Variants in RAD54B observed in about 807,000 individuals in gnomAD.
RAD54B encodes RAD54 homolog B, also known as DNA repair and recombination protein RAD54B.
In RAD54B, 78 loss-of-function variants were observed where a neutral mutation model predicts 95.8. That is an observed-to-expected ratio of 0.81 (90% CI 0.68 to 0.98). The LOEUF is 0.98. RAD54B is among the 50% of genes least tolerant of loss of function. RAD54B has a pLI of 0.00. For missense variants in RAD54B, 957 were observed against 1,056.6 expected (o/e 0.91, Z 1.31); for synonymous variants, 328 against 354.9 (o/e 0.92, Z 0.85).
chr8:94,430,980 C>A, intron 3 of RAD54B: 1 of 985,326 alleles, frequency 1.0e-6, no homozygotes, highest in Non-Finnish European at 1.2e-6. Context: ...TTTCCAGCGT[C>A]TCACTCTTGA....
At chr8:94,382,692 G>A (rs78987240) in intron 11 of RAD54B, among the ~76,000 whole-genome samples, 2,149 of 152,264 alleles carry the variant, frequency 0.014, 50 homozygotes, top group African/African-American at 0.049. Context: ...GAGGGACCAG[G>A]TGGGAGGTGA....
At chr8:94,449,246 A>G (rs116942037) in intron 3 of RAD54B, among the ~76,000 whole-genome samples, 71 of 150,526 alleles carry the variant, frequency 4.7e-4, no homozygotes, top group Non-Finnish European at 8.4e-4. Context: ...TTAATTAACT[A>G]CTGCCCAATA....
At chr8:94,384,980 G>A (rs1810835361) in intron 11 of RAD54B, among the ~76,000 whole-genome samples, 1 of 152,104 alleles carries the variant, frequency 6.6e-6, no homozygotes, top group Non-Finnish European at 1.5e-5. Context: ...GCACATTCCT[G>A]TAATCCCAGC....
chr8:94,418,956 T>C (rs1811736448), intron 3 of RAD54B, among the ~76,000 whole-genome samples: 1 of 152,324 alleles, frequency 6.6e-6, no homozygotes, highest in Admixed American at 6.5e-5. Context: ...GCAATTTGAA[T>C]TTGATTAGTG....
intron 3 of RAD54B, among the ~76,000 whole-genome samples, chr8:94,450,229 A>G (rs1268598527): frequency 6.6e-6 from 1 of 152,234 alleles, no homozygotes; most frequent in African/African-American, 2.4e-5. Context: ...AAGAGCCACT[A>G]GAAAAGAAAA....
At chr8:94,411,338 C>G (rs117381351) in intron 3 of RAD54B, 23 bp from the exon 4 acceptor site, 1 of 1,528,030 alleles carries the variant, frequency 6.5e-7, no homozygotes, top group Non-Finnish European at 8.7e-7. Flanking sequence ...AAAAAACACA[C>G]ATTATTAAAA....
intron 1 of RAD54B, among the ~76,000 whole-genome samples, chr8:94,470,427 G>A (rs769694246): frequency 2.0e-5 from 3 of 152,134 alleles, no homozygotes; most frequent in Non-Finnish European, 2.9e-5. Context: ...GAAACCCTGT[G>A]TCTATTAAAA....
chr8:94,472,995 A>G (rs1377953532), intron 1 of RAD54B, among the ~76,000 whole-genome samples: 6 of 152,094 alleles, frequency 3.9e-5, no homozygotes, highest in African/African-American at 1.2e-4. Context: ...TAGAATCCCA[A>G]CTCTGCTACT....
chr8:94,407,764 C>A (rs752998628), intron 4 of RAD54B, 44 bp from the exon 5 acceptor site: 10 of 1,522,942 alleles, frequency 6.6e-6, no homozygotes, highest in Non-Finnish European at 9.0e-6. Flanking sequence ...CTCTATGATA[C>A]CACGGTCACC....
At chr8:94,460,744 A>T (rs1812881818) in intron 2 of RAD54B, among the ~76,000 whole-genome samples, 1 of 151,914 alleles carries the variant, frequency 6.6e-6, no homozygotes, top group Admixed American at 6.6e-5. Context: ...ATGCTCCAGG[A>T]GAGAATATAT....
chr8:94,460,622 G>A (rs1283387500), intron 2 of RAD54B, among the ~76,000 whole-genome samples: 1 of 152,124 alleles, frequency 6.6e-6, no homozygotes, highest in Non-Finnish European at 1.5e-5. Flanking sequence ...CAGAAATTTG[G>A]TGGCATTGAA....
chr8:94,429,518 T>C (rs1812031970), intron 3 of RAD54B: 4 of 984,742 alleles, frequency 4.1e-6, no homozygotes, highest in Non-Finnish European at 3.6e-6. Context: ...TTATCAATTC[T>C]TAGTAGCATG....
intron 3 of RAD54B, among the ~76,000 whole-genome samples, chr8:94,414,628 T>C (rs1464233723): frequency 6.6e-6 from 1 of 152,220 alleles, no homozygotes; most frequent in African/African-American, 2.4e-5. Flanking sequence ...CTGGATTATA[T>C]TTATTGATTT....
Position 94,467,441 on chromosome 8 carries a change from C to A in RAD54B, c.99G>T (p.Glu33Asp). Residue 33 changes from glutamate to aspartate, a missense_variant, in exon 2 of 15, where the codon GAG becomes GAT. Transcript: ENST00000336148. ...TTATATCTGGATTCAGTTTTGTAAT[C>A]TCTTCATTCAGACCTGGATTACTTC... Reference protein sequence around the residue: ...PGRSNPGLNEEITKLNPDIKL... With the variant: ...PGRSNPGLNEDITKLNPDIKL... The A allele has an allele frequency of 6.2e-7, 1 of 1,612,808 alleles. No homozygotes were observed. Among genetic ancestry groups the A allele is most frequent in the South Asian group, 1.1e-5 (1 of 90,904 alleles).
At chr8:94,436,951 A>G in intron 3 of RAD54B, 5 of 1,450,762 alleles carry the variant, frequency 3.4e-6, no homozygotes, top group Non-Finnish European at 4.5e-6. Flanking sequence ...AAACAGAAAA[A>G]GATCAGGCTT....
chr8:94,463,674 T>TA (rs1276657095), intron 2 of RAD54B, among the ~76,000 whole-genome samples: 2 of 151,422 alleles, frequency 1.3e-5, no homozygotes, highest in South Asian at 2.1e-4. Context: ...GCTCAGGACT[T>TA]AGAGACCAGC....
chr8:94,428,962 C>A, intron 3 of RAD54B: 2 of 982,556 alleles, frequency 2.0e-6, no homozygotes, highest in Non-Finnish European at 2.4e-6. Context: ...TTTCTTTATA[C>A]AGGAATTCTC....
chr8:94,383,156 C>A (rs1050978597), intron 11 of RAD54B, among the ~76,000 whole-genome samples: 1 of 151,640 alleles, frequency 6.6e-6, no homozygotes, highest in Non-Finnish European at 1.5e-5. Context: ...AAATTAGCAT[C>A]CCCCTGTAAT....
chr8:94,432,372 T>A, intron 3 of RAD54B: 1 of 1,550,412 alleles, frequency 6.4e-7, no homozygotes, highest in Non-Finnish European at 8.7e-7. Context: ...TTCACCACTC[T>A]CATGCCGAAA....
Sources: allele counts gnomAD v4.1 joint callset (sites outside exome capture counted in the v4.1 genomes callset), GRCh38; gene constraint gnomAD v4.1.1; transcripts MANE v1.5; gene names NCBI Gene and HGNC (gene_info 2026-07-23, HGNC 2026-07-21).